Variants in NRXN3 observed in about 807,000 individuals in gnomAD.
NRXN3 encodes the protein neurexin 3.
A neutral mutation model predicts 137.6 loss-of-function variants in NRXN3; 32 were observed. That is an observed-to-expected ratio of 0.23 (90% CI 0.18 to 0.31). NRXN3 has a LOEUF of 0.31. NRXN3 is among the 10% of genes least tolerant of loss of function. The pLI is 1.00. For synonymous variants in NRXN3, 798 were observed against 784.5 expected, an observed-to-expected ratio of 1.02 and a Z score of -0.29; for missense variants, 1,574 against 2,062.5, an observed-to-expected ratio of 0.76 and a Z score of 4.59.
intron 19 of NRXN3, among the ~76,000 whole-genome samples, chr14:79,720,756 T>C (rs1272032143): frequency 1.3e-5 from 2 of 152,176 alleles, no homozygotes; most frequent in African/African-American, 2.4e-5. Context: ...CTATTTTAAC[T>C]AATATGCTAT....
chr14:79,745,714 G>T (rs554382755), intron 19 of NRXN3, among the ~76,000 whole-genome samples: 1 of 152,068 alleles, frequency 6.6e-6, no homozygotes, highest in Non-Finnish European at 1.5e-5. Flanking sequence ...TAGTTACAAA[G>T]TCTAGAAGTC....
At chr14:79,103,242 A>G (rs1449800523) in intron 15 of NRXN3, among the ~76,000 whole-genome samples, 1 of 152,178 alleles carries the variant, frequency 6.6e-6, no homozygotes, top group Non-Finnish European at 1.5e-5. Flanking sequence ...GTGGCAAAAC[A>G]GGAAGAAGGT....
intron 4 of NRXN3, among the ~76,000 whole-genome samples, chr14:78,498,261 C>A (rs1256176992): frequency 6.6e-6 from 1 of 152,166 alleles, no homozygotes; most frequent in Non-Finnish European, 1.5e-5. Context: ...AGAGAAAGAA[C>A]AATTGAGAAT....
chr14:78,395,567 T>G (rs2091357775), intron 4 of NRXN3, among the ~76,000 whole-genome samples: 1 of 152,030 alleles, frequency 6.6e-6, no homozygotes, highest in Non-Finnish European at 1.5e-5. Flanking sequence ...TATCTCTTTG[T>G]GATTTTCTAT....
rs149982479 is a variant in NRXN3 at position 79,797,475 on chromosome 14, AGAATTCTGTCC to A, written c.4015-7636_4015-7626del. On this transcript the variant is annotated intron_variant, in intron 19 of 20. Transcript: ENST00000335750. ...CCTTAGATAGTATCTTAACAAGACT[AGAATTCTGTCC>A]CTTCACCTCCAACATTCAGGACCTG... Among the ~76,000 whole-genome samples the A allele has an allele frequency of 2.2e-3, 332 of 152,340 alleles. 10 individuals carry two copies. In the East Asian group the frequency reaches 0.043, roughly 20 times the overall value.
intron 4 of NRXN3, among the ~76,000 whole-genome samples, chr14:78,339,715 A>G (rs2081943894): frequency 6.6e-6 from 1 of 152,110 alleles, no homozygotes; most frequent in African/African-American, 2.4e-5. Context: ...GGATGCTAGG[A>G]TTCCAGATAG....
rs868146590 is a variant in NRXN3 at position 79,868,288 on chromosome 14, C to T, written c.*6324C>T. On this transcript the variant is annotated 3_prime_UTR_variant, in exon 21 of 21. Coordinates refer to ENST00000335750, the MANE Select transcript of NRXN3 (RefSeq NM_001330195.2). ...AATAAAAATACGAAAGTTTGGCACT[C>T]TTAGTTTTTCTCTAATTCTTTCATT... The T allele has an allele frequency of 6.6e-6, 1 of 152,174 alleles. No individual in the cohort carries two copies. The highest frequency in any genetic ancestry group is 2.1e-4 in the South Asian group (1 of 4,822). 9.4% of individuals were successfully genotyped at this position (152,174 alleles called of 1,614,324 possible). A position where few individuals can be genotyped will look rare whatever the true frequency, so the allele number is the denominator to read the frequency against.
chr14:79,657,975 A>G (rs2098514513), intron 16 of NRXN3, among the ~76,000 whole-genome samples: 1 of 152,186 alleles, frequency 6.6e-6, no homozygotes. Flanking sequence ...TCATTTCCAT[A>G]TCCATTAATT....
At chr14:78,537,538 A>T (rs994302678) in intron 4 of NRXN3, among the ~76,000 whole-genome samples, 28 of 151,936 alleles carry the variant, frequency 1.8e-4, no homozygotes, top group African/African-American at 6.5e-4. Flanking sequence ...GGTTGCAAAA[A>T]TTTTCTCCCA....
At chr14:79,402,609 G>A (rs2095231895) in intron 15 of NRXN3, among the ~76,000 whole-genome samples, 1 of 152,100 alleles carries the variant, frequency 6.6e-6, no homozygotes, top group Admixed American at 6.5e-5. Flanking sequence ...TACCTTAATT[G>A]GTCAGATGAA....
chr14:79,506,907 A>G (rs1035043626), intron 16 of NRXN3, among the ~76,000 whole-genome samples: 7 of 152,130 alleles, frequency 4.6e-5, no homozygotes, highest in Non-Finnish European at 8.8e-5. Flanking sequence ...TTATATATCA[A>G]CTATGGAAAG....
intron 10 of NRXN3, among the ~76,000 whole-genome samples, chr14:78,898,933 G>T (rs1028781377): frequency 6.6e-6 from 1 of 151,862 alleles, no homozygotes; most frequent in Non-Finnish European, 1.5e-5. Flanking sequence ...GTTCATAGTA[G>T]CCTCACGCTC....
intron 15 of NRXN3, among the ~76,000 whole-genome samples, chr14:79,050,000 A>G (rs894359791): frequency 2.6e-5 from 4 of 152,216 alleles, no homozygotes; most frequent in Non-Finnish European, 5.9e-5. Flanking sequence ...ACCATTATCT[A>G]GAAAACTGAG....
intron 16 of NRXN3, among the ~76,000 whole-genome samples, chr14:79,496,883 G>A (rs1022926793): frequency 2.6e-5 from 4 of 152,140 alleles, no homozygotes; most frequent in Non-Finnish European, 4.4e-5. Context: ...GCATTTCAAC[G>A]GCATTAGTAA....
Position 78,966,081 on chromosome 14 carries a change from A to G in NRXN3, c.2452A>G (p.Met818Val). 1 of 1,614,210 alleles carries G rather than the reference A, an allele frequency of 6.2e-7. No individual in the cohort carries two copies. The highest frequency in any genetic ancestry group is 8.5e-7 in the Non-Finnish European group (1 of 1,180,036). ...GTTCCACAACATTGAAACGGGAATC[A>G]TGACTGAGAAACGCTACATCTCCGT... ...LEFHNIETGIMTEKRYISVVP... is the reference protein window; with the variant it reads ...LEFHNIETGIVTEKRYISVVP... The change falls in exon 12 of 21, where the codon ATG becomes GTG. Residue 818 changes from methionine to valine, a missense_variant. Physicochemically the swap from Met to Val is conservative, Grantham distance 21. Around this residue, in one of 5 missense-constraint regions of NRXN3, gnomAD observed 718 missense variants for 887.6 expected, o/e 0.81. Transcript: ENST00000335750.
chr14:78,807,194 G>C (rs2098877093), intron 9 of NRXN3, among the ~76,000 whole-genome samples: 1 of 152,146 alleles, frequency 6.6e-6, no homozygotes, highest in Admixed American at 6.5e-5. Flanking sequence ...GCTGCACTAG[G>C]GAAAAGACAG....
intron 16 of NRXN3, among the ~76,000 whole-genome samples, chr14:79,487,881 G>T (rs770125591): frequency 3.9e-5 from 6 of 152,146 alleles, no homozygotes; most frequent in African/African-American, 1.2e-4. Flanking sequence ...ACATTAGATT[G>T]CATGTTAGCT....
At chr14:78,512,676 AGG>A (rs2096130709) in intron 4 of NRXN3, among the ~76,000 whole-genome samples, 1 of 152,168 alleles carries the variant, frequency 6.6e-6, no homozygotes, top group Non-Finnish European at 1.5e-5. Context: ...TGTTTCTCAC[AGG>A]AAGATAGAGA....
intron 10 of NRXN3, among the ~76,000 whole-genome samples, chr14:78,915,345 C>CAAAAAAAAAAAAAA (rs35908076): frequency 4.5e-4 from 5 of 11,190 alleles, no homozygotes; most frequent in African/African-American, 1.1e-3. Context: ...ACGTGTGAAG[C>CAAAAAAAAAAAAAA]AAAAAAAAAA....
Sources: gnomAD v4.1 joint callset for allele counts (sites outside exome capture counted in the v4.1 genomes callset) on GRCh38, gnomAD v4.1.1 for gene constraint, gnomAD v4.1.1 regional missense constraint, MANE v1.5 for transcripts, NCBI Gene and HGNC (gene_info 2026-07-23, HGNC 2026-07-21) for gene names.